The following DTL variants were observed in gnomAD, a reference collection of about 807,000 sequenced individuals.
The protein encoded by DTL is denticleless E3 ubiquitin protein ligase adapter, also known as denticleless protein homolog.
Under a neutral mutation model 87.0 loss-of-function variants are expected in DTL, and 46 were observed. The ratio of observed to expected loss-of-function variants is 0.53; its 90% CI spans 0.42 to 0.68. The LOEUF (loss-of-function observed/expected upper bound fraction) is 0.68, where lower values mean the gene tolerates loss of function less well. Ranked by LOEUF, DTL falls within the 30% of genes least tolerant of loss-of-function variation. The probability of loss-of-function intolerance (pLI) is 0.00; values close to 1 mark genes in which losing one functional copy is unlikely to be tolerated. For missense variants in DTL, 737 were observed against 869.4 expected (o/e 0.85, Z 1.91); for synonymous variants, 308 against 311.2 (o/e 0.99, Z 0.11).
At chr1:212,054,792 C>CAAAAAAAAAAAAAAAAAAAAAAAAAA (rs756328781) in intron 5 of DTL, among the ~76,000 whole-genome samples, 1 of 68,532 alleles carries the variant, frequency 1.5e-5, no homozygotes, top group Non-Finnish European at 2.6e-5. Context: ...GACACCACCT[C>CAAAAAAAAAAAAAAAAAAAAAAAAAA]AAAAAAAAAA....
chr1:212,079,325 T>C (rs17018458), intron 12 of DTL, among the ~76,000 whole-genome samples: 3,989 of 152,188 alleles, frequency 0.026, 60 homozygotes, highest in African/African-American at 0.046. Flanking sequence ...TTTTTTCAAT[T>C]GTCATATATT....
chr1:212,091,733 G>A (rs776197920), intron 13 of DTL, among the ~76,000 whole-genome samples: 3 of 152,170 alleles, frequency 2.0e-5, no homozygotes, highest in Non-Finnish European at 4.4e-5. Flanking sequence ...ATCTTAAAAA[G>A]TTGAACTCAT....
chr1:212,055,892 A>G (rs977809921), intron 5 of DTL, among the ~76,000 whole-genome samples: 1 of 152,170 alleles, frequency 6.6e-6, no homozygotes, highest in Non-Finnish European at 1.5e-5. Flanking sequence ...GTTCATCACC[A>G]GTGGTGCCTG....
At chr1:212,052,569 G>A (rs1196800312) in intron 5 of DTL, among the ~76,000 whole-genome samples, 6 of 150,028 alleles carry the variant, frequency 4.0e-5, no homozygotes, top group South Asian at 2.1e-4. Context: ...CCTGGGAGGC[G>A]GAGGTTGCAG....
chr1:212,070,604 CTG>C (rs1654641731), intron 10 of DTL, among the ~76,000 whole-genome samples: 1 of 149,834 alleles, frequency 6.7e-6, no homozygotes, highest in Admixed American at 6.7e-5. Context: ...GAGTAAGACC[CTG>C]TCTCAAAAAA....
At chr1:212,082,436 A>G (rs1306472382) in intron 13 of DTL, among the ~76,000 whole-genome samples, 1 of 152,154 alleles carries the variant, frequency 6.6e-6, no homozygotes, top group Non-Finnish European at 1.5e-5. Context: ...TAGGAATATA[A>G]CATTTCACAG....
chr1:212,046,358 G>A (rs138769534), intron 3 of DTL, among the ~76,000 whole-genome samples: 43 of 152,180 alleles, frequency 2.8e-4, no homozygotes, highest in Admixed American at 7.8e-4. Context: ...AACATGTGCC[G>A]TGGTGGTTTG....
intron 1 of DTL, among the ~76,000 whole-genome samples, chr1:212,039,668 T>C (rs1478926526): frequency 6.6e-6 from 1 of 152,198 alleles, no homozygotes; most frequent in Non-Finnish European, 1.5e-5. Context: ...CAAAGCTAGA[T>C]AGTGTAACTA....
At chr1:212,092,726 A>G (rs1057308810) in intron 13 of DTL, among the ~76,000 whole-genome samples, 6 of 152,214 alleles carry the variant, frequency 3.9e-5, no homozygotes. Context: ...TGCTATAAAC[A>G]TGCATGGGCA....
At chr1:212,096,330 T>G (rs1234736019) in intron 13 of DTL, among the ~76,000 whole-genome samples, 1 of 145,282 alleles carries the variant, frequency 6.9e-6, no homozygotes, top group Non-Finnish European at 1.5e-5. Flanking sequence ...GCTTTTTGTT[T>G]CATTTATCTT....
Position 212,072,302 on chromosome 1 carries a change from C to A in DTL, c.1035+89C>A. On this transcript the variant is annotated intron_variant, in intron 11 of 14. Transcript: ENST00000366991. ...CCAATATGAGATAAGTTTAATGTAA[C>A]CACGTGCTATACTATTCCTGCATCA... is the stretch of plus-strand genomic sequence containing the variant. 4.0e-6 allele frequency: 4 copies of A among 991,472 alleles called. No individual in the cohort carries two copies. In the South Asian group the frequency reaches 5.4e-5, roughly 13 times the overall value. 61.4% of individuals were successfully genotyped at this position (991,472 alleles called of 1,614,324 possible). A position where few individuals can be genotyped will look rare whatever the true frequency, so the allele number is the denominator to read the frequency against.
chr1:212,055,938 A>G (rs889493059), intron 5 of DTL, among the ~76,000 whole-genome samples: 1 of 152,174 alleles, frequency 6.6e-6, no homozygotes, highest in African/African-American at 2.4e-5. Flanking sequence ...GGGCCTACTC[A>G]ATCTGCTGCT....
At chr1:212,068,730 T>G in intron 10 of DTL, 27 bp downstream of exon 10, 11 of 1,452,332 alleles carry the variant, frequency 7.6e-6, no homozygotes, top group Non-Finnish European at 1.1e-5. Flanking sequence ...TCAAATTCTC[T>G]TACCAGGAAA....
intron 1 of DTL, among the ~76,000 whole-genome samples, chr1:212,040,659 C>T (rs1233638956): frequency 6.6e-6 from 1 of 152,188 alleles, no homozygotes; most frequent in Non-Finnish European, 1.5e-5. Flanking sequence ...TAGGCTACTA[C>T]TTCCAACTAT....
rs1571988240 is a variant in DTL, at chr1:212,100,806, A to G, written c.1816A>G (p.Thr606Ala). Residue 606 changes from threonine (T) to alanine (A), a missense_variant, in exon 14 of 15, where the codon ACC (threonine) becomes GCC (alanine). Physicochemically the swap from Thr to Ala is moderately conservative, Grantham distance 58. Transcript: ENST00000366991. ...CCTTAGTAAGGACTCTCTAGGTCCTACCAAATCAAGCAAAATTGAAGGAGC... is the reference window on the plus strand; with the variant it reads ...CCTTAGTAAGGACTCTCTAGGTCCTGCCAAATCAAGCAAAATTGAAGGAGC... Reference protein sequence around the residue: ...EDLSKDSLGPTKSSKIEGAGT... With the variant: ...EDLSKDSLGPAKSSKIEGAGT... 6.2e-7 allele frequency: 1 copy of G among 1,614,174 alleles called. No homozygotes were observed. The highest frequency in any genetic ancestry group is 2.2e-5 in the East Asian group (1 of 44,880).
At chr1:212,055,604 A>G (rs1477623428) in intron 5 of DTL, among the ~76,000 whole-genome samples, 2 of 152,168 alleles carry the variant, frequency 1.3e-5, no homozygotes, top group African/African-American at 4.8e-5. Flanking sequence ...GGGCTGCTGC[A>G]GGGCAGAGGT....
chr1:212,042,865 T>C, intron 1 of DTL, 128 bp from the exon 2 acceptor site: 1 of 872,946 alleles, frequency 1.1e-6, no homozygotes. Flanking sequence ...CTTCCATAGA[T>C]ATTAATAGTA....
chr1:212,051,909 A>T (rs1667997854), intron 5 of DTL: 1 of 946,646 alleles, frequency 1.1e-6, no homozygotes, highest in African/African-American at 1.6e-5. Flanking sequence ...TTTCTTATAG[A>T]TTCGCATATA....
intron 1 of DTL, among the ~76,000 whole-genome samples, chr1:212,041,302 A>G (rs545569416): frequency 9.2e-5 from 14 of 152,228 alleles, no homozygotes; most frequent in Admixed American, 2.0e-4. Context: ...TTAATTGTAA[A>G]AAATTGTAGG....
Sources: gnomAD v4.1 joint callset for allele counts (sites outside exome capture counted in the v4.1 genomes callset) on GRCh38, gnomAD v4.1.1 for gene constraint, MANE v1.5 for transcripts, NCBI Gene and HGNC (gene_info 2026-07-23, HGNC 2026-07-21) for gene names.